The following LNX2 variants were observed in gnomAD, a reference collection of about 807,000 sequenced individuals.
LNX2 encodes ligand of numb-protein X 2.
LNX2 carries 35 observed loss-of-function variants against 66.2 expected under a neutral mutation model. The observed-to-expected ratio is 0.53, with a 90% CI of 0.40 to 0.70. The LOEUF (loss-of-function observed/expected upper bound fraction) is 0.70, where lower values mean the gene tolerates loss of function less well. Ranked by LOEUF, LNX2 falls within the 30% of genes least tolerant of loss-of-function variation. The probability of loss-of-function intolerance (pLI) is 0.00; values close to 1 mark genes in which losing one functional copy is unlikely to be tolerated. For synonymous variants in LNX2, 337 were observed against 315.6 expected (o/e 1.07, Z -0.72); for missense variants, 791 against 850.8 (o/e 0.93, Z 0.87).
At chr13:27,606,182 A>G (rs1372550937) in intron 1 of LNX2, among the ~76,000 whole-genome samples, 1 of 152,216 alleles carries the variant, frequency 6.6e-6, no homozygotes, top group Admixed American at 6.5e-5. Flanking sequence ...GTACTACAAA[A>G]TTCCCTAATA....
At chr13:27,619,541 T>G (rs1955868714) in intron 1 of LNX2, among the ~76,000 whole-genome samples, 1 of 152,236 alleles carries the variant, frequency 6.6e-6, no homozygotes. Flanking sequence ...TTCCTCCTCC[T>G]GCACCGCCAC....
intron 1 of LNX2, among the ~76,000 whole-genome samples, chr13:27,607,168 T>C (rs997139503): frequency 6.6e-6 from 1 of 152,236 alleles, no homozygotes; most frequent in Non-Finnish European, 1.5e-5. Context: ...AAATGTCCAG[T>C]GTTATAATAC....
chr13:27,558,429 C>T (rs961406077), intron 6 of LNX2, among the ~76,000 whole-genome samples: 2 of 151,844 alleles, frequency 1.3e-5, no homozygotes, highest in African/African-American at 4.8e-5. Context: ...TACATGTGCC[C>T]ACAACAAATT....
chr13:27,600,640 G>C (rs192968229), intron 1 of LNX2, among the ~76,000 whole-genome samples: 1 of 152,238 alleles, frequency 6.6e-6, no homozygotes, highest in Non-Finnish European at 1.5e-5. Context: ...TTACTGACTC[G>C]GGGCTTTCTC....
At chr13:27,553,106 C>CTTTTTT in intron 8 of LNX2, 102 bp downstream of exon 8, 2 of 853,052 alleles carry the variant, frequency 2.3e-6, no homozygotes, top group Non-Finnish European at 3.5e-6. Flanking sequence ...TGAATTAAAG[C>CTTTTTT]TTTTTTTTTT....
At chr13:27,603,834 T>C (rs1175788402) in intron 1 of LNX2, among the ~76,000 whole-genome samples, 1 of 152,026 alleles carries the variant, frequency 6.6e-6, no homozygotes, top group Non-Finnish European at 1.5e-5. Context: ...AAAAAATGAC[T>C]ATTATGTATT....
intron 7 of LNX2, 122 bp from the exon 8 acceptor site, chr13:27,553,561 TAATA>T (rs1420271876): frequency 1.6e-6 from 1 of 631,518 alleles, no homozygotes; most frequent in African/African-American, 1.8e-5. Flanking sequence ...TAAGGTATAA[TAATA>T]AATGGCATTT....
chr13:27,616,922 CG>C, intron 1 of LNX2, among the ~76,000 whole-genome samples: 1 of 152,174 alleles, frequency 6.6e-6, no homozygotes, highest in East Asian at 1.9e-4. Flanking sequence ...AGCTAATTTT[CG>C]TATTTTTAGT....
chr13:27,561,910 A>T (rs1955140228), intron 5 of LNX2, among the ~76,000 whole-genome samples: 1 of 152,232 alleles, frequency 6.6e-6, no homozygotes, highest in Non-Finnish European at 1.5e-5. Context: ...TGTCACAAAG[A>T]TGCTATGAGG....
At chr13:27,593,754 GTTC>G (rs1292977715) in intron 1 of LNX2, among the ~76,000 whole-genome samples, 5 of 133,188 alleles carry the variant, frequency 3.8e-5, no homozygotes, top group East Asian at 4.4e-4. Flanking sequence ...GTGTGTGTGT[GTTC>G]TTTTTTTTTT....
chr13:27,570,161 G>A (rs1461959824), intron 2 of LNX2, among the ~76,000 whole-genome samples: 1 of 152,098 alleles, frequency 6.6e-6, no homozygotes, highest in Non-Finnish European at 1.5e-5. Context: ...GATGGGAGGA[G>A]GACAAAAAGA....
intron 1 of LNX2, among the ~76,000 whole-genome samples, chr13:27,585,128 GA>G (rs1353492100): frequency 0.013 from 994 of 78,178 alleles, 10 homozygotes; most frequent in African/African-American, 0.04. Context: ...CTCAGAAAAA[GA>G]AAAAAAAAAA....
At chr13:27,565,854 C>T (rs753294565) in intron 4 of LNX2, among the ~76,000 whole-genome samples, 3 of 152,130 alleles carry the variant, frequency 2.0e-5, no homozygotes, top group Non-Finnish European at 4.4e-5. Flanking sequence ...ACCCAAGAAT[C>T]CCTAGTAGGG....
intron 1 of LNX2, among the ~76,000 whole-genome samples, chr13:27,593,684 C>T (rs1955568090): frequency 6.6e-6 from 1 of 150,488 alleles, no homozygotes; most frequent in Non-Finnish European, 1.5e-5. Context: ...TCTCCTGCCT[C>T]AGCCTCCTGT....
At chr13:27,612,237 C>A (rs900489554) in intron 1 of LNX2, among the ~76,000 whole-genome samples, 1 of 152,166 alleles carries the variant, frequency 6.6e-6, no homozygotes, top group African/African-American at 2.4e-5. Context: ...GAACAAAACC[C>A]TCATTGGGGC....
chr13:27,608,907 C>T (rs1033529733), intron 1 of LNX2, among the ~76,000 whole-genome samples: 1 of 151,802 alleles, frequency 6.6e-6, no homozygotes, highest in Non-Finnish European at 1.5e-5. Flanking sequence ...CAGGTTCAAG[C>T]GATTCTCTTG....
intron 1 of LNX2, among the ~76,000 whole-genome samples, chr13:27,614,245 C>G (rs1446705200): frequency 6.6e-6 from 1 of 152,212 alleles, no homozygotes; most frequent in Non-Finnish European, 1.5e-5. Flanking sequence ...TAAACAATTG[C>G]CAGCCACTAT....
chr13:27,583,449 G>A lies in LNX2; in HGVS notation c.-100-1646C>T, dbSNP rs566669050. On this transcript the variant is annotated intron_variant, in intron 1 of 9. Coordinates refer to ENST00000316334, the MANE Select transcript of LNX2 (RefSeq NM_153371.4). ...ATTTTTGTAATTTTAGTAGACACGG[G>A]GTTTCACCATATTGGCCAGGCGGGT... Among the ~76,000 whole-genome samples, 3 of 152,086 alleles carry A rather than the reference G, an allele frequency of 2.0e-5. No individual in the cohort carries two copies. In the East Asian group the frequency reaches 5.8e-4, roughly 30 times the overall value.
intron 5 of LNX2, among the ~76,000 whole-genome samples, chr13:27,560,666 C>T (rs1299458610): frequency 1.3e-5 from 2 of 150,814 alleles, no homozygotes; most frequent in Middle Eastern, 3.5e-3. Context: ...AATTTAGAGG[C>T]TTGTTAGCTA....
Sources: gnomAD v4.1 joint callset for allele counts (sites outside exome capture counted in the v4.1 genomes callset) on GRCh38, gnomAD v4.1.1 for gene constraint, MANE v1.5 for transcripts, NCBI Gene and HGNC (gene_info 2026-07-23, HGNC 2026-07-21) for gene names.